Variants in ZNF561 observed in about 807,000 individuals in gnomAD.
ZNF561 encodes zinc finger protein 561.
ZNF561 carries 16 observed loss-of-function variants against 16.7 expected under a neutral mutation model. The ratio of observed to expected loss-of-function variants is 0.96; its 90% CI spans 0.65 to 1.45. ZNF561 has a LOEUF of 1.45. ZNF561 is among the 40% of genes most tolerant of loss of function. The pLI, the probability that ZNF561 is intolerant of heterozygous loss-of-function variation, is 0.00. For synonymous variants in ZNF561, 190 were observed against 192.1 expected (o/e 0.99, Z 0.09); for missense variants, 580 against 578.0 (o/e 1.00, Z -0.04).
intron 5 of ZNF561, among the ~76,000 whole-genome samples, chr19:9,613,260 G>T (rs557407627): frequency 7.9e-5 from 12 of 152,258 alleles, no homozygotes; most frequent in Middle Eastern, 3.4e-3. Flanking sequence ...CAGTGGTGCA[G>T]AATTCTTCTC....
In ZNF561 at chr19:9,611,009, T is replaced by C. The variant is rs1250701764; in HGVS notation, c.652A>G (p.Ile218Val). The C allele has an allele frequency of 6.2e-7, 1 of 1,614,080 alleles. No individual in the cohort carries two copies. Among genetic ancestry groups the C allele is most frequent in the Non-Finnish European group, 8.5e-7 (1 of 1,180,040 alleles). Residue 218 changes from isoleucine to valine, a missense_variant, in exon 6 of 6, where the codon ATC becomes GTC. Physicochemically the swap from Ile to Val is conservative, Grantham distance 29. Transcript: ENST00000302851. ...YFASLDNHMG[I>V]HTDEKLCEFQ... ...TCACAGAGTTTCTCATCAGTGTGGA[T>C]TCCCATATGATTATCAAGGCTTGCA...
chr19:9,616,890 G>C (rs186579712), intron 4 of ZNF561, 155 bp downstream of exon 4: 2 of 1,037,206 alleles, frequency 1.9e-6, no homozygotes, highest in Non-Finnish European at 2.7e-6. Context: ...CACTGCGCCC[G>C]GCCTAGAATT....
Position 9,608,505 on chromosome 19 carries a change from G to T in ZNF561, c.*1695C>A, listed in dbSNP as rs1253559757. 1 of 152,100 alleles carries T rather than the reference G, an allele frequency of 6.6e-6. No homozygotes were observed. Among genetic ancestry groups the T allele is most frequent in the African/African-American group, 2.4e-5 (1 of 41,414 alleles). The allele number at this position is 152,100 out of a possible 1,614,324, so 9.4% of individuals were successfully genotyped here. On this transcript the variant is annotated 3_prime_UTR_variant, in exon 6 of 6. Transcript: ENST00000302851. ...AATTAACAAATTTGTAAGCCATTTGGTCTGTGGTATTTTGTGATAGTGGCC... is the reference window on the plus strand; with the variant it reads ...AATTAACAAATTTGTAAGCCATTTGTTCTGTGGTATTTTGTGATAGTGGCC...
chr19:9,611,571 C>G lies in ZNF561; in HGVS notation c.325-235G>C, dbSNP rs528738190. 3.3e-5 allele frequency among the ~76,000 whole-genome samples: 5 copies of G among 151,874 alleles called. No homozygotes were observed. The South Asian group carries it at 1.0e-3, about 32-fold the overall frequency. ...AACTGATTCTCCTGCCTCAGCCTCC[C>G]GAGTAGCTAGGAATACAGGTGTGCA... On this transcript the variant is annotated intron_variant, in intron 5 of 5. Coordinates refer to ENST00000302851, the MANE Select transcript of ZNF561 (RefSeq NM_152289.3).
intron 4 of ZNF561, among the ~76,000 whole-genome samples, chr19:9,616,104 G>A (rs936833451): frequency 6.6e-6 from 1 of 152,158 alleles, no homozygotes; most frequent in Non-Finnish European, 1.5e-5. Flanking sequence ...GCACAAAGCT[G>A]ATGCTGTTGA....
chr19:9,618,023 A>G, intron 3 of ZNF561, 68 bp downstream of exon 3: 1 of 1,425,622 alleles, frequency 7.0e-7, no homozygotes, highest in Non-Finnish European at 9.6e-7. Context: ...GAGTCTGTCT[A>G]GAAAGAAATC....
intron 4 of ZNF561, among the ~76,000 whole-genome samples, chr19:9,616,495 G>A (rs2144894650): frequency 6.6e-6 from 1 of 152,118 alleles, no homozygotes; most frequent in Non-Finnish European, 1.5e-5. Flanking sequence ...TGGCCAGGCT[G>A]GTCTCAAATT....
chr19:9,611,440 T>G (rs367684626), intron 5 of ZNF561, 104 bp from the exon 6 acceptor site: 2 of 1,216,636 alleles, frequency 1.6e-6, no homozygotes, highest in South Asian at 2.1e-5. Context: ...ATTTTACTTT[T>G]TAATATTTAA....
chr19:9,613,755 G>A (rs1369456665), intron 5 of ZNF561, among the ~76,000 whole-genome samples: 2 of 152,136 alleles, frequency 1.3e-5, no homozygotes, highest in Non-Finnish European at 2.9e-5. Context: ...GACCTCAAGT[G>A]ATCCACCCAT....
intron 5 of ZNF561, among the ~76,000 whole-genome samples, chr19:9,613,634 C>A (rs1396055224): frequency 6.6e-6 from 1 of 152,192 alleles, no homozygotes; most frequent in Non-Finnish European, 1.5e-5. Context: ...TCTCCTGTCT[C>A]AGCCTCCCAA....
At position 9,610,049 on chromosome 19, in the gene ZNF561, T is replaced by G; in HGVS notation, c.*151A>C. ...GATGCCCAGACTCAGGCAACCATGA[T>G]GTTGTATTCAGAACCTGTAGGTTTA... On this transcript the variant is annotated 3_prime_UTR_variant, in exon 6 of 6. Transcript: ENST00000302851. 1.5e-6 allele frequency: 1 copy of G among 675,112 alleles called. No individual in the cohort carries two copies. Among genetic ancestry groups the G allele is most frequent in the Non-Finnish European group, 2.4e-6 (1 of 415,222 alleles). The allele number at this position is 675,112 out of a possible 1,614,324, so 41.8% of individuals were successfully genotyped here.
In ZNF561 at chr19:9,618,074, G is replaced by T; in HGVS notation, c.114+17C>A. 3 of 1,545,900 alleles carry T rather than the reference G, an allele frequency of 1.9e-6. No individual in the cohort carries two copies. The highest frequency in any genetic ancestry group is 2.6e-6 in the Non-Finnish European group (3 of 1,142,162). Reference sequence around the variant, plus strand: ...TGAAAGCATATCATTTTTAACAACAGTACGTTTTCTGCTTACCTGATAACC... The same window carrying T: ...TGAAAGCATATCATTTTTAACAACATTACGTTTTCTGCTTACCTGATAACC... On this transcript the variant is annotated intron_variant, in intron 3 of 5. Transcript: ENST00000302851.
In ZNF561 at chr19:9,611,150, A is replaced by C. The variant is rs753248944; in HGVS notation, c.511T>G (p.Phe171Val). The part of the protein sequence containing the change: ...EASTGQELSK[F>V]NPCGKVFTLT... ...GTAAAGACTTTTCCACATGGATTAA[A>C]TTTGGAAAGTTCCTGTCCAGTAGAG... Residue 171 changes from phenylalanine (F) to valine (V), a missense_variant, in exon 6 of 6, where the codon TTT becomes GTT. Coordinates refer to ENST00000302851, the MANE Select transcript of ZNF561 (RefSeq NM_152289.3). 2 of 1,614,044 alleles carry C rather than the reference A, an allele frequency of 1.2e-6. No individual in the cohort carries two copies. Among genetic ancestry groups the C allele is most frequent in the South Asian group, 1.1e-5 (1 of 91,084 alleles).
At chr19:9,617,284 A>G (rs2074572880) in intron 3 of ZNF561, 113 bp from the exon 4 acceptor site, 1 of 1,426,874 alleles carries the variant, frequency 7.0e-7, no homozygotes. Flanking sequence ...CAGGTCTCCC[A>G]TGATCTACTC....
chr19:9,610,754 G>T lies in ZNF561; in HGVS notation c.907C>A (p.His303Asn), dbSNP rs762948895. 1.2e-6 allele frequency: 2 copies of T among 1,614,068 alleles called. No homozygotes were observed. Among genetic ancestry groups the T allele is most frequent in the Non-Finnish European group, 1.7e-6 (2 of 1,180,044 alleles). The change falls in exon 6 of 6, where the codon CAC becomes AAC. Residue 303 changes from histidine to asparagine, a missense_variant. Physicochemically the swap from His to Asn is moderately conservative, Grantham distance 68. Transcript: ENST00000302851. ...CACTTGTGTGGTTTTATTCCAGTGT[G>T]AATTTGAATGTGATCATTAAGGCAT... ...SSCLNDHIQI[H>N]TGIKPHKCTY... is the part of the protein sequence containing the mutation.
At chr19:9,619,299 G>A (rs2144906970) in intron 2 of ZNF561, 133 bp downstream of exon 2, 2 of 637,938 alleles carry the variant, frequency 3.1e-6, no homozygotes, top group East Asian at 5.8e-5. Context: ...ACAGCATTCT[G>A]TTCTGTGGTT....
In ZNF561 at chr19:9,609,367, G is replaced by A. The variant is rs946910280; in HGVS notation, c.*833C>T. The A allele has an allele frequency of 1.3e-5, 2 of 152,086 alleles. No individual in the cohort carries two copies. Among genetic ancestry groups the A allele is most frequent in the Non-Finnish European group, 2.9e-5 (2 of 68,022 alleles). The allele number at this position is 152,086 out of a possible 1,614,324, so 9.4% of individuals were successfully genotyped here. On this transcript the variant is annotated 3_prime_UTR_variant, in exon 6 of 6. Coordinates refer to ENST00000302851, the MANE Select transcript of ZNF561 (RefSeq NM_152289.3). ...GGGTCAGGGTCTCCATGACCCAGCT[G>A]GTCTCAGCAAAAATGCAAAAGGAGA... is the stretch of plus-strand genomic sequence containing the variant.
Position 9,608,942 on chromosome 19 carries a change from A to G in ZNF561, c.*1258T>C, listed in dbSNP as rs1380980810. On this transcript the variant is annotated 3_prime_UTR_variant, in exon 6 of 6. Coordinates refer to ENST00000302851, the MANE Select transcript of ZNF561 (RefSeq NM_152289.3). ...AGGCCATGAGAAACTGCCCATAAAC[A>G]AAATCTCTGCGGCACTGTGACATGC... 1 of 152,136 alleles carries G rather than the reference A, an allele frequency of 6.6e-6. No individual in the cohort carries two copies. Among genetic ancestry groups the G allele is most frequent in the Non-Finnish European group, 1.5e-5 (1 of 68,022 alleles). The allele number at this position is 152,136 out of a possible 1,614,324, so 9.4% of individuals were successfully genotyped here. A position where few individuals can be genotyped will look rare whatever the true frequency, so the allele number is the denominator to read the frequency against.
rs1460653763 is a variant in ZNF561, at chr19:9,607,537, G to A, written c.*2663C>T. The A allele has an allele frequency of 6.6e-6, 1 of 152,124 alleles. No individual in the cohort carries two copies. 9.4% of individuals were successfully genotyped at this position (152,124 alleles called of 1,614,324 possible). The stretch of plus-strand genomic sequence containing the variant: ...ATAAAAAGAAACCTTTCCTGTAAGA[G>A]ATTAGCCTCTTCAAAAAATAAAATA... On this transcript the variant is annotated 3_prime_UTR_variant, in exon 6 of 6. Coordinates refer to ENST00000302851, the MANE Select transcript of ZNF561 (RefSeq NM_152289.3).
Sources: allele counts gnomAD v4.1 joint callset (sites outside exome capture counted in the v4.1 genomes callset), GRCh38; gene constraint gnomAD v4.1.1; transcripts MANE v1.5; gene names NCBI Gene and HGNC (gene_info 2026-07-23, HGNC 2026-07-21).